Variants in CHST8 observed in about 807,000 individuals in gnomAD.
CHST8 encodes the protein carbohydrate sulfotransferase 8.
CHST8 carries 10 observed loss-of-function variants against 15.0 expected under a neutral mutation model. The observed-to-expected ratio is 0.67, with a 90% CI of 0.41 to 1.13. The LOEUF is 1.13. Among genes scored for constraint, CHST8 ranks in the 50% most tolerant of loss-of-function variants. The probability of loss-of-function intolerance (pLI) is 0.00; values close to 1 mark genes in which losing one functional copy is unlikely to be tolerated. For synonymous variants in CHST8, 259 were observed against 256.6 expected, an observed-to-expected ratio of 1.01 and a Z score of -0.09; for missense variants, 634 against 608.2, an observed-to-expected ratio of 1.04 and a Z score of -0.45.
intron 1 of CHST8, among the ~76,000 whole-genome samples, chr19:33,660,391 C>T (rs1041579191): frequency 6.6e-6 from 1 of 152,074 alleles, no homozygotes; most frequent in Non-Finnish European, 1.5e-5. Flanking sequence ...CCCTTGATGC[C>T]GTTCGTGGTG....
At chr19:33,633,783 G>GTGTA (rs1972156065) in intron 1 of CHST8, among the ~76,000 whole-genome samples, 2 of 119,554 alleles carry the variant, frequency 1.7e-5, no homozygotes. Flanking sequence ...TCGTGTGTGT[G>GTGTA]TGTGTGTGTG....
intron 2 of CHST8, among the ~76,000 whole-genome samples, chr19:33,676,607 G>C (rs1360402732): frequency 2.6e-5 from 4 of 152,098 alleles, no homozygotes; most frequent in Admixed American, 6.5e-5. Flanking sequence ...CCGGTGTGAT[G>C]GCTTACGCCT....
chr19:33,733,889 G>T (rs972770184), intron 3 of CHST8, among the ~76,000 whole-genome samples: 1 of 152,234 alleles, frequency 6.6e-6, no homozygotes, highest in Non-Finnish European at 1.5e-5. Context: ...GCAGCCTGCT[G>T]CAGAGAGCTC....
chr19:33,684,329 G>C (rs572082041), intron 2 of CHST8, among the ~76,000 whole-genome samples: 1 of 152,198 alleles, frequency 6.6e-6, no homozygotes, highest in Non-Finnish European at 1.5e-5. Flanking sequence ...GCCTTCCCCG[G>C]GAGTAGCGTG....
At chr19:33,665,647 A>G (rs1254194182) in intron 1 of CHST8, among the ~76,000 whole-genome samples, 2 of 152,116 alleles carry the variant, frequency 1.3e-5, no homozygotes. Flanking sequence ...GAAAAAAAAA[A>G]AAAGCTTTTC....
chr19:33,737,320 C>A (rs1450400391), intron 3 of CHST8, among the ~76,000 whole-genome samples: 1 of 152,188 alleles, frequency 6.6e-6, no homozygotes, highest in African/African-American at 2.4e-5. Context: ...AAGCCAAGAA[C>A]CCACTTGGCC....
At chr19:33,741,267 G>A (rs176174) in intron 3 of CHST8, among the ~76,000 whole-genome samples, 87,485 of 152,070 alleles carry the variant, frequency 0.58, 25,832 homozygotes, top group African/African-American at 0.69. Context: ...GCAAGGCTGC[G>A]TTTTATTCCA....
At chr19:33,631,644 A>G (rs1412769603) in intron 1 of CHST8, among the ~76,000 whole-genome samples, 3 of 152,144 alleles carry the variant, frequency 2.0e-5, no homozygotes, top group African/African-American at 7.2e-5. Context: ...CTCATCTGCA[A>G]ATTTAATTTC....
rs1050467457 is a variant in CHST8 at position 33,629,386 on chromosome 19, C to T, written c.-164+7090C>T. On this transcript the variant is annotated intron_variant, in intron 1 of 4. Coordinates refer to ENST00000650847, the MANE Select transcript of CHST8 (RefSeq NM_001127895.2). The stretch of plus-strand genomic sequence containing the variant: ...CTTATACCCTTTTCTTGCTCTCAGC[C>T]CTCTCTCCTTTTCCTCCTCCCCAAG... 4.5e-4 allele frequency among the ~76,000 whole-genome samples: 68 copies of T among 152,250 alleles called. 1 individual carries two copies. The highest frequency in any genetic ancestry group is 1.5e-3 in the African/African-American group (63 of 41,466).
chr19:33,694,200 AT>A lies in CHST8; in HGVS notation c.130+4810del, dbSNP rs1171006281. 4.2e-4 allele frequency among the ~76,000 whole-genome samples: 42 copies of A among 100,796 alleles called. 1 individual carries two copies. Among genetic ancestry groups the A allele is most frequent in the African/African-American group, 1.5e-3 (40 of 26,608 alleles). The allele number at this position is 100,796 out of a possible 152,430, so 66.1% of individuals were successfully genotyped here. A position where few individuals can be genotyped will look rare whatever the true frequency, so the allele number is the denominator to read the frequency against. On this transcript the variant is annotated intron_variant, in intron 3 of 4. Transcript: ENST00000650847. ...TATATATATATATATATATATATAT[AT>A]ATATATATATATATATATAATGTTA... is the stretch of plus-strand genomic sequence containing the variant.
intron 1 of CHST8, among the ~76,000 whole-genome samples, chr19:33,650,513 C>CTTTTTTTTT (rs1356639318): frequency 2.7e-5 from 1 of 36,854 alleles, no homozygotes; most frequent in Non-Finnish European, 5.1e-5. Context: ...TTTTCTTTTT[C>CTTTTTTTTT]TTTTCTTTTT....
intron 3 of CHST8, among the ~76,000 whole-genome samples, chr19:33,757,453 A>AG (rs1568358441): frequency 2.6e-5 from 1 of 38,276 alleles, no homozygotes; most frequent in East Asian, 4.8e-4. Flanking sequence ...AAAGAAAGAA[A>AG]GAAAGAAAGA....
intron 2 of CHST8, among the ~76,000 whole-genome samples, chr19:33,680,565 C>T (rs1972873277): frequency 6.6e-6 from 1 of 152,174 alleles, no homozygotes; most frequent in African/African-American, 2.4e-5. Flanking sequence ...CACCACGTAT[C>T]CACAGGGTAA....
intron 3 of CHST8, among the ~76,000 whole-genome samples, chr19:33,708,128 A>G (rs1289093520): frequency 1.3e-5 from 2 of 152,050 alleles, no homozygotes; most frequent in Non-Finnish European, 2.9e-5. Flanking sequence ...TGTTGTAATT[A>G]TTTTCTAGAT....
intron 3 of CHST8, among the ~76,000 whole-genome samples, chr19:33,769,532 C>T (rs964828031): frequency 5.3e-5 from 8 of 152,066 alleles, no homozygotes; most frequent in African/African-American, 4.8e-5. Flanking sequence ...CTGTCATCAT[C>T]GGCTGCGGGA....
intron 3 of CHST8, among the ~76,000 whole-genome samples, chr19:33,711,928 C>A (rs973355360): frequency 6.6e-5 from 10 of 152,164 alleles, no homozygotes; most frequent in African/African-American, 2.2e-4. Flanking sequence ...CCACCACACC[C>A]AGCCAATATT....
At chr19:33,757,528 GAAAGAAAGAAAGAAAGAAAGAA>G in intron 3 of CHST8, among the ~76,000 whole-genome samples, 1 of 30,842 alleles carries the variant, frequency 3.2e-5, no homozygotes, top group Non-Finnish European at 6.6e-5. Flanking sequence ...GAAAGAGAAA[GAAAGAAAGAAAGAAAGAAAGAA>G]AGAAAGAAAG....
intron 3 of CHST8, among the ~76,000 whole-genome samples, chr19:33,720,701 G>A (rs769607064): frequency 6.6e-5 from 10 of 152,238 alleles, no homozygotes; most frequent in Non-Finnish European, 1.0e-4. Context: ...CAAGACCATG[G>A]GGACACAGGA....
At chr19:33,644,959 C>G (rs1972331082) in intron 1 of CHST8, among the ~76,000 whole-genome samples, 1 of 152,112 alleles carries the variant, frequency 6.6e-6, no homozygotes, top group African/African-American at 2.4e-5. Flanking sequence ...ATTGTATTCC[C>G]AGGGGAATTT....
Sources: gnomAD v4.1 joint callset for allele counts (sites outside exome capture counted in the v4.1 genomes callset) on GRCh38, gnomAD v4.1.1 for gene constraint, MANE v1.5 for transcripts, NCBI Gene and HGNC (gene_info 2026-07-23, HGNC 2026-07-21) for gene names.